The following FRMD4A variants were observed in gnomAD, a reference collection of about 807,000 sequenced individuals.
The protein encoded by FRMD4A is FERM domain-containing protein 4A.
In FRMD4A, 29 loss-of-function variants were observed where a neutral mutation model predicts 129.1. The ratio of observed to expected loss-of-function variants is 0.22; its 90% CI spans 0.17 to 0.31. FRMD4A has a LOEUF of 0.31. Among genes scored for constraint, FRMD4A ranks in the 10% least tolerant of loss-of-function variants. The pLI, the probability that FRMD4A is intolerant of heterozygous loss-of-function variation, is 1.00. For synonymous variants in FRMD4A, 634 were observed against 571.6 expected, an observed-to-expected ratio of 1.11 and a Z score of -1.56; for missense variants, 1,272 against 1,375.8, an observed-to-expected ratio of 0.92 and a Z score of 1.19.
chr10:13,878,064 A>G (rs1254920454), intron 2 of FRMD4A, among the ~76,000 whole-genome samples: 2 of 152,172 alleles, frequency 1.3e-5, no homozygotes, highest in Admixed American at 6.5e-5. Context: ...CCGGCAAACG[A>G]GAGTCTAAAT....
chr10:13,980,809 G>A (rs1565151615), intron 2 of FRMD4A, among the ~76,000 whole-genome samples: 1 of 152,162 alleles, frequency 6.6e-6, no homozygotes, highest in Non-Finnish European at 1.5e-5. Flanking sequence ...ACCACACCCA[G>A]ACCAACGATA....
At chr10:14,136,665 C>T (rs1409380890) in intron 2 of FRMD4A, among the ~76,000 whole-genome samples, 2 of 152,154 alleles carry the variant, frequency 1.3e-5, no homozygotes, top group Non-Finnish European at 2.9e-5. Flanking sequence ...ACCCCCACCC[C>T]TGCCCATCCC....
At chr10:13,874,188 G>T (rs2094466960) in intron 2 of FRMD4A, among the ~76,000 whole-genome samples, 2 of 146,700 alleles carry the variant, frequency 1.4e-5, no homozygotes, top group Admixed American at 1.4e-4. Flanking sequence ...GCAGGTTGTG[G>T]TGAGCCGAGA....
At chr10:14,239,652 C>A (rs66964294) in intron 2 of FRMD4A, among the ~76,000 whole-genome samples, 41,728 of 148,690 alleles carry the variant, frequency 0.28, 5,963 homozygotes, top group Middle Eastern at 0.34. Context: ...AACAAACAAA[C>A]AAAAAAAAAC....
chr10:13,890,058 C>A (rs545290115), intron 2 of FRMD4A, among the ~76,000 whole-genome samples: 1 of 152,320 alleles, frequency 6.6e-6, no homozygotes, highest in African/African-American at 2.4e-5. Flanking sequence ...CAAACTGGAT[C>A]ATCTCCTAAC....
chr10:14,194,437 C>T (rs1279445598), intron 2 of FRMD4A, among the ~76,000 whole-genome samples: 1 of 152,092 alleles, frequency 6.6e-6, no homozygotes, highest in South Asian at 2.1e-4. Flanking sequence ...GGTGAAACCC[C>T]GTCTCTACTA....
Position 14,062,329 on chromosome 10 carries a change from T to C in FRMD4A, c.46-203417A>G, listed in dbSNP as rs540278055. Among the ~76,000 whole-genome samples, 88 of 152,340 alleles carry C rather than the reference T, an allele frequency of 5.8e-4. 1 individual carries two copies. The highest frequency in any genetic ancestry group is 1.9e-3 in the African/African-American group (81 of 41,582). ...GATTACATTTATGTAAAATTTTGTG[T>C]ATCTGATTACAGAGCTGCACGGAAG... On this transcript the variant is annotated intron_variant, in intron 2 of 24. Coordinates refer to ENST00000357447, the MANE Select transcript of FRMD4A (RefSeq NM_018027.5).
chr10:14,258,667 G>A lies in FRMD4A; in HGVS notation c.45+71391C>T, dbSNP rs1844698356. On this transcript the variant is annotated intron_variant, in intron 2 of 24. Transcript: ENST00000357447. ...AGATGACCCAATCATTTTATACCTA[G>A]GTATTTACTTAAAAATGAAAGCTCA... is the stretch of plus-strand genomic sequence containing the variant. Among the ~76,000 whole-genome samples the A allele has an allele frequency of 2.0e-5, 3 of 152,088 alleles. 1 individual carries two copies. The highest frequency in any genetic ancestry group is 6.5e-5 in the Admixed American group (1 of 15,272).
At chr10:14,113,019 G>A (rs1838004819) in intron 2 of FRMD4A, among the ~76,000 whole-genome samples, 1 of 152,142 alleles carries the variant, frequency 6.6e-6, no homozygotes, top group Middle Eastern at 3.2e-3. Context: ...AGGAGAAGGA[G>A]CTTGGGGACC....
intron 12 of FRMD4A, among the ~76,000 whole-genome samples, chr10:13,734,032 G>A (rs1229593656): frequency 6.6e-6 from 1 of 152,172 alleles, no homozygotes; most frequent in African/African-American, 2.4e-5. Context: ...CTGCCGCGTT[G>A]CATGTCCTAA....
chr10:13,737,168 C>A (rs566829129), intron 12 of FRMD4A, among the ~76,000 whole-genome samples: 4 of 152,252 alleles, frequency 2.6e-5, no homozygotes, highest in Non-Finnish European at 5.9e-5. Flanking sequence ...TGGCTCACTG[C>A]AATCTCCGCC....
intron 15 of FRMD4A, chr10:13,675,853 C>T (rs929865321): frequency 2.6e-5 from 4 of 152,082 alleles, no homozygotes; most frequent in Admixed American, 2.6e-4. Context: ...ATAACCATTG[C>T]TATGCATTTT....
chr10:14,077,498 A>G (rs1835681233), intron 2 of FRMD4A, among the ~76,000 whole-genome samples: 1 of 152,202 alleles, frequency 6.6e-6, no homozygotes, highest in South Asian at 2.1e-4. Flanking sequence ...GCAAAGTCTG[A>G]AACTGTGCCA....
intron 2 of FRMD4A, among the ~76,000 whole-genome samples, chr10:14,185,468 A>C (rs187852406): frequency 1.2e-4 from 19 of 152,360 alleles, no homozygotes; most frequent in South Asian, 2.1e-4. Flanking sequence ...TAGTACAAAA[A>C]ACATTACAAC....
intron 2 of FRMD4A, among the ~76,000 whole-genome samples, chr10:13,930,625 G>A (rs558970534): frequency 1.3e-5 from 2 of 152,222 alleles, no homozygotes; most frequent in Non-Finnish European, 1.5e-5. Context: ...AGACGTTCCC[G>A]AAGGGTCTGG....
intron 2 of FRMD4A, among the ~76,000 whole-genome samples, chr10:14,091,670 T>A (rs945618129): frequency 1.3e-5 from 2 of 152,204 alleles, no homozygotes; most frequent in Non-Finnish European, 2.9e-5. Context: ...CTTGACCTCA[T>A]GATCCGCCCA....
At chr10:13,908,475 C>T (rs1261302250) in intron 2 of FRMD4A, among the ~76,000 whole-genome samples, 3 of 152,194 alleles carry the variant, frequency 2.0e-5, no homozygotes, top group Non-Finnish European at 4.4e-5. Flanking sequence ...GTTATCTTTT[C>T]CCAACTTATT....
chr10:13,705,195 T>C (rs1409327), intron 13 of FRMD4A, among the ~76,000 whole-genome samples: 50,782 of 152,138 alleles, frequency 0.33, 9,763 homozygotes, highest in East Asian at 0.48. Flanking sequence ...CACAGAAGCT[T>C]CGCAAGAAAC....
chr10:13,971,709 G>A (rs1014831936), intron 2 of FRMD4A: 8 of 1,304,152 alleles, frequency 6.1e-6, no homozygotes, highest in African/African-American at 4.6e-5. Flanking sequence ...TGCAGAACTC[G>A]AATGTTCCTC....
Sources: allele counts gnomAD v4.1 joint callset (sites outside exome capture counted in the v4.1 genomes callset), GRCh38; gene constraint gnomAD v4.1.1; transcripts MANE v1.5; gene names NCBI Gene and HGNC (gene_info 2026-07-23, HGNC 2026-07-21).